FOXF2: variants seen among roughly 807,000 people sequenced by gnomAD.
FOXF2 encodes forkhead box protein F2.
A neutral mutation model predicts 29.1 loss-of-function variants in FOXF2; 15 were observed. That is an observed-to-expected ratio of 0.52 (90% CI 0.35 to 0.79). The LOEUF (loss-of-function observed/expected upper bound fraction) is 0.79, where lower values mean the gene tolerates loss of function less well. Among genes scored for constraint, FOXF2 ranks in the 30% least tolerant of loss-of-function variants. The probability of loss-of-function intolerance (pLI) is 0.01; values close to 1 mark genes in which losing one functional copy is unlikely to be tolerated. For synonymous variants in FOXF2, 337 were observed against 316.5 expected, an observed-to-expected ratio of 1.06 and a Z score of -0.69; for missense variants, 675 against 667.1, an observed-to-expected ratio of 1.01 and a Z score of -0.13.
intron 1 of FOXF2, among the ~76,000 whole-genome samples, chr6:1,391,955 T>A (rs1280921526): frequency 6.6e-6 from 1 of 152,196 alleles, no homozygotes; most frequent in Non-Finnish European, 1.5e-5. Context: ...AGAGGGAATT[T>A]GAATATTTGA....
chr6:1,393,912 GCCGGGGA>G (rs1377745617), intron 1 of FOXF2, among the ~76,000 whole-genome samples: 1 of 152,206 alleles, frequency 6.6e-6, no homozygotes, highest in African/African-American at 2.4e-5. Context: ...CCCGGTGCAG[GCCGGGGA>G]CCGGGGAGCC....
At chr6:1,392,553 CCTT>C (rs1338613983) in intron 1 of FOXF2, among the ~76,000 whole-genome samples, 2 of 152,022 alleles carry the variant, frequency 1.3e-5, no homozygotes, top group African/African-American at 4.8e-5. Flanking sequence ...TCCCTGCTCC[CCTT>C]CTTCTCCTCT....
chr6:1,391,165 G>T, intron 1 of FOXF2, 47 bp downstream of exon 1: 4 of 1,592,298 alleles, frequency 2.5e-6, no homozygotes, highest in South Asian at 2.2e-5. Flanking sequence ...ACCGCTTCTA[G>T]GCCTCCAGGG....
At position 1,394,868 on chromosome 6, in the gene FOXF2, A is replaced by G; in HGVS notation, c.*9A>G. 1 of 1,614,138 alleles carries G rather than the reference A, an allele frequency of 6.2e-7. No individual in the cohort carries two copies. Among genetic ancestry groups the G allele is most frequent in the East Asian group, 2.2e-5 (1 of 44,880 alleles). ...AGCCCTGCGTCATGTGAACGGAAAG[A>G]GGCCAAGCGATGGCCGCTCTCTCCT... On this transcript the variant is annotated 3_prime_UTR_variant, in exon 2 of 2. Transcript: ENST00000645481.
intron 1 of FOXF2, among the ~76,000 whole-genome samples, chr6:1,394,486 C>T (rs191347502): frequency 8.5e-5 from 13 of 152,232 alleles, no homozygotes; most frequent in African/African-American, 3.1e-4. Context: ...GTGCGAGCAT[C>T]AAAACAAAAC....
Position 1,389,841 on chromosome 6 carries a change from G to C in FOXF2, c.-107G>C. The C allele has an allele frequency of 5.1e-6, 1 of 197,498 alleles. No homozygotes were observed. The highest frequency in any genetic ancestry group is 8.9e-6 in the Non-Finnish European group (1 of 112,156). The allele number at this position is 197,498 out of a possible 1,614,324, so 12.2% of individuals were successfully genotyped here. On this transcript the variant is annotated 5_prime_UTR_variant, in exon 1 of 2. Coordinates refer to ENST00000645481, the MANE Select transcript of FOXF2 (RefSeq NM_001452.2). ...CGGAGTGGCCACGGCTGCAGCCCGG[G>C]CGGCGGGCTAGGGCGCTCGCAGGGC...
chr6:1,392,476 A>ACCCCC lies in FOXF2; in HGVS notation c.1171+1362_1171+1363insCCCCC, dbSNP rs1554124337. On this transcript the variant is annotated intron_variant, in intron 1 of 1. Coordinates refer to ENST00000645481, the MANE Select transcript of FOXF2 (RefSeq NM_001452.2). ...CACACACACACACACACACACACAC[A>ACCCCC]CCCCTCGGTGCACTGGCCCCTTCCC... 5.7e-5 allele frequency among the ~76,000 whole-genome samples: 8 copies of ACCCCC among 139,884 alleles called. 1 individual carries two copies. The highest frequency in any genetic ancestry group is 1.6e-5 in the Non-Finnish European group (1 of 62,882). The allele number at this position is 139,884 out of a possible 152,430, so 91.8% of individuals were successfully genotyped here.
At position 1,391,134 on chromosome 6, in the gene FOXF2, C is replaced by T; in HGVS notation, c.1171+16C>T. On this transcript the variant is annotated intron_variant, in intron 1 of 1. Coordinates refer to ENST00000645481, the MANE Select transcript of FOXF2 (RefSeq NM_001452.2). ...GACCTCTCAGGTAACGCAGCACGCTCCAGCCCAGCCAGCTGGGCGCACCGC... is the reference window on the plus strand; with the variant it reads ...GACCTCTCAGGTAACGCAGCACGCTTCAGCCCAGCCAGCTGGGCGCACCGC... The T allele has an allele frequency of 6.3e-7, 1 of 1,598,918 alleles. No individual in the cohort carries two copies. The highest frequency in any genetic ancestry group is 8.5e-7 in the Non-Finnish European group (1 of 1,179,630).
Position 1,389,883 on chromosome 6 carries a change from C to A in FOXF2, c.-65C>A. On this transcript the variant is annotated 5_prime_UTR_variant, in exon 1 of 2. Transcript: ENST00000645481. ...TCGCAGGGCTTCTGGGCCGACCCCG[C>A]TCCGGCGCCTCCGCTTCCCGCCCGG... The A allele has an allele frequency of 3.6e-6, 2 of 562,572 alleles. No individual in the cohort carries two copies. Among genetic ancestry groups the A allele is most frequent in the Non-Finnish European group, 4.5e-6 (2 of 445,224 alleles). 34.8% of individuals were successfully genotyped at this position (562,572 alleles called of 1,614,324 possible). A position where few individuals can be genotyped will look rare whatever the true frequency, so the allele number is the denominator to read the frequency against.
At position 1,390,834 on chromosome 6, in the gene FOXF2, G is replaced by A. The variant is rs1343267788; in HGVS notation, c.887G>A (p.Gly296Asp). 5.8e-6 allele frequency: 8 copies of A among 1,388,958 alleles called. No homozygotes were observed. Among genetic ancestry groups the A allele is most frequent in the Admixed American group, 3.6e-5 (1 of 27,502 alleles). The allele number at this position is 1,388,958 out of a possible 1,614,324, so 86.0% of individuals were successfully genotyped here. ...ASCPVPAGPG[G>D]VGAAGGGGGG... is the part of the protein sequence containing the mutation. ...TGCCCGGTGCCCGCGGGACCCGGGG[G>A]CGTCGGTGCGGCCGGGGGCGGCGGC... Residue 296 changes from glycine (G) to aspartate (D), a missense_variant, in exon 1 of 2, where the codon GGC becomes GAC. Around this residue, in one of 3 missense-constraint regions of FOXF2, gnomAD observed 451 missense variants for 437.2 expected, o/e 1.03. Coordinates refer to ENST00000645481, the MANE Select transcript of FOXF2 (RefSeq NM_001452.2). This position sits in a 1 kb window ranked among gnomAD's most constrained non-coding sequence, Gnocchi z 8.5.
chr6:1,390,071 C>T lies in FOXF2; in HGVS notation c.124C>T (p.Pro42Ser), dbSNP rs771555576. 2.2e-5 allele frequency: 30 copies of T among 1,381,692 alleles called. No homozygotes were observed. The highest frequency in any genetic ancestry group is 2.7e-5 in the Non-Finnish European group (28 of 1,051,940). 85.6% of individuals were successfully genotyped at this position (1,381,692 alleles called of 1,614,324 possible). ...CGCCGCCGCCGCCGCCGCCGCCGCCCCGGAGACCACCTCCTCCTCCTCGTC... is the reference window on the plus strand; with the variant it reads ...CGCCGCCGCCGCCGCCGCCGCCGCCTCGGAGACCACCTCCTCCTCCTCGTC... Reference protein sequence around the residue: ...PAAAAAAAAAPETTSSSSSSS... With the variant: ...PAAAAAAAAASETTSSSSSSS... Residue 42 changes from proline to serine, a missense_variant, in exon 1 of 2, where the codon CCG becomes TCG. Transcript: ENST00000645481. The surrounding 1 kb of genome is among the most constrained non-coding windows in gnomAD (Gnocchi z 8.5).
rs141847147 is a variant in FOXF2, at chr6:1,394,804, A to G, written c.1280A>G (p.Tyr427Cys). Residue 427 changes from tyrosine (Y) to cysteine (C), a missense_variant, in exon 2 of 2, where the codon TAT becomes TGT. By Grantham distance (194) the Tyr-to-Cys change is radical (BLOSUM62 -2). Coordinates refer to ENST00000645481, the MANE Select transcript of FOXF2 (RefSeq NM_001452.2). ...TTCCATCCCTCAGCTAGCGGGTCGT[A>G]TTATCACCATCACCACCAGAGCGTC... ...SSFHPSASGS[Y>C]YHHHHQSVCQ... The G allele has an allele frequency of 7.4e-6, 12 of 1,613,946 alleles. No homozygotes were observed. The African/African-American group carries it at 1.5e-4, about 20-fold the overall frequency.
Position 1,390,701 on chromosome 6 carries a change from G to T in FOXF2, c.754G>T (p.Gly252Cys), listed in dbSNP as rs1027794350. Residue 252 changes from glycine (G) to cysteine (C), a missense_variant, in exon 1 of 2, where the codon GGC becomes TGC. Transcript: ENST00000645481. The surrounding 1 kb of genome is among the most constrained non-coding windows in gnomAD (Gnocchi z 8.5). Reference sequence around the variant, plus strand: ...CGGCGGCCTCGACATGATGCCCGCGGGCTACGACGCCGGCGCGGGCGCCCC... The same window carrying T: ...CGGCGGCCTCGACATGATGCCCGCGTGCTACGACGCCGGCGCGGGCGCCCC... ...GYGGLDMMPA[G>C]YDAGAGAPSH... 14 of 1,474,834 alleles carry T rather than the reference G, an allele frequency of 9.5e-6. No individual in the cohort carries two copies. Among genetic ancestry groups the T allele is most frequent in the Non-Finnish European group, 1.2e-5 (13 of 1,123,386 alleles). 91.4% of individuals were successfully genotyped at this position (1,474,834 alleles called of 1,614,324 possible). A position where few individuals can be genotyped will look rare whatever the true frequency, so the allele number is the denominator to read the frequency against.
rs1389038288 is a variant in FOXF2 at position 1,390,361 on chromosome 6, C to A, written c.414C>A (p.Arg138=). The change falls in exon 1 of 2, where the codon CGC becomes CGA. Residue 138 remains arginine (R), a synonymous_variant. Coordinates refer to ENST00000645481, the MANE Select transcript of FOXF2 (RefSeq NM_001452.2). The surrounding 1 kb of genome is among the most constrained non-coding windows in gnomAD (Gnocchi z 8.5). The stretch of plus-strand genomic sequence containing the variant: ...TGCAGGCGCGCTTCCCCTTCTTCCG[C>A]GGCGCCTACCAGGGCTGGAAGAACT... ...QFLQARFPFF[R]GAYQGWKNSV... 1.5e-5 allele frequency: 24 copies of A among 1,612,648 alleles called. No homozygotes were observed. Among genetic ancestry groups the A allele is most frequent in the Non-Finnish European group, 2.0e-5 (24 of 1,179,950 alleles).
In FOXF2 at chr6:1,390,578, G is replaced by A. The variant is rs1422654240; in HGVS notation, c.631G>A (p.Val211Met). 1.2e-6 allele frequency: 2 copies of A among 1,600,716 alleles called. No individual in the cohort carries two copies. The highest frequency in any genetic ancestry group is 1.7e-6 in the Non-Finnish European group (2 of 1,176,882). Residue 211 changes from valine to methionine, a missense_variant, in exon 1 of 2, where the codon GTG (valine) becomes ATG (methionine). By Grantham distance (21) the Val-to-Met change is conservative (BLOSUM62 1). This residue lies in a region of FOXF2 where 451 missense variants were observed against 437.2 expected (regional missense o/e 1.03). Transcript: ENST00000645481. The surrounding 1 kb of genome is among the most constrained non-coding windows in gnomAD (Gnocchi z 8.5). ...GCTCAAGCCCATGTACCACCGCGTG[G>A]TGAGCGGCTTGGGCTTCGGGGCGTC... ...QALKPMYHRV[V>M]SGLGFGASLL...
chr6:1,392,434 T>TCACTCACACACA lies in FOXF2; in HGVS notation c.1171+1319_1171+1320insTCACACACACAC, dbSNP rs1554124327. Among the ~76,000 whole-genome samples, 1,025 of 107,736 alleles carry TCACTCACACACA rather than the reference T, an allele frequency of 9.5e-3. 23 individuals carry two copies. Among genetic ancestry groups the TCACTCACACACA allele is most frequent in the South Asian group, 0.022 (61 of 2,768 alleles). The allele number at this position is 107,736 out of a possible 152,430, so 70.7% of individuals were successfully genotyped here. ...TGTATTCCCTTGGACCGGCTGTCAA[T>TCACTCACACACA]CACACACACACACACACACACACAC... On this transcript the variant is annotated intron_variant, in intron 1 of 1. Coordinates refer to ENST00000645481, the MANE Select transcript of FOXF2 (RefSeq NM_001452.2).
In FOXF2 at chr6:1,390,888, G is replaced by A; in HGVS notation, c.941G>A (p.Ser314Asn). 6.5e-7 allele frequency: 1 copy of A among 1,533,544 alleles called. No individual in the cohort carries two copies. 95.0% of individuals were successfully genotyped at this position (1,533,544 alleles called of 1,614,324 possible). Residue 314 changes from serine to asparagine, a missense_variant, in exon 1 of 2, where the codon AGC becomes AAC. This residue lies in a region of FOXF2 where 451 missense variants were observed against 437.2 expected (regional missense o/e 1.03). Transcript: ENST00000645481. This position sits in a 1 kb window ranked among gnomAD's most constrained non-coding sequence, Gnocchi z 8.5. The stretch of plus-strand genomic sequence containing the variant: ...GGCGACTACGGGCCGGACAGCAGCA[G>A]CAGCCCGGTACCCTCGTCCCCGGCC... ...GGGDYGPDSS[S>N]SPVPSSPAMA...
At chr6:1,393,776 C>A (rs1758844655) in intron 1 of FOXF2, among the ~76,000 whole-genome samples, 1 of 152,236 alleles carries the variant, frequency 6.6e-6, no homozygotes, top group African/African-American at 2.4e-5. Context: ...AGCCCGGTGC[C>A]GAGAGGGCCC....
At chr6:1,394,106 G>T (rs1043399129) in intron 1 of FOXF2, among the ~76,000 whole-genome samples, 1 of 152,240 alleles carries the variant, frequency 6.6e-6, no homozygotes, top group African/African-American at 2.4e-5. Flanking sequence ...CTGCGGAGGG[G>T]CAGGAGAAGA....
Sources: gnomAD v4.1 joint callset for allele counts (sites outside exome capture counted in the v4.1 genomes callset) on GRCh38, gnomAD v4.1.1 for gene constraint, gnomAD v4.1.1 regional missense constraint, Gnocchi (gnomAD v3.1) non-coding constraint, MANE v1.5 for transcripts, NCBI Gene and HGNC (gene_info 2026-07-23, HGNC 2026-07-21) for gene names.